Variants in MRTFA observed in about 807,000 individuals in gnomAD.
MRTFA encodes myocardin-related transcription factor A.
Under a neutral mutation model 83.5 loss-of-function variants are expected in MRTFA, and 20 were observed. The observed-to-expected ratio is 0.24, with a 90% CI of 0.17 to 0.35. The LOEUF (loss-of-function observed/expected upper bound fraction) is 0.35, where lower values mean the gene tolerates loss of function less well. MRTFA is among the 10% of genes least tolerant of loss of function. The pLI is 1.00. For synonymous variants in MRTFA, 659 were observed against 541.2 expected, an observed-to-expected ratio of 1.22 and a Z score of -3.02; for missense variants, 1,200 against 1,224.7, an observed-to-expected ratio of 0.98 and a Z score of 0.30.
chr22:40,510,351 T>C (rs1276388571), intron 3 of MRTFA, among the ~76,000 whole-genome samples: 1 of 151,932 alleles, frequency 6.6e-6, no homozygotes, highest in African/African-American at 2.4e-5. Context: ...TGAAGGAATA[T>C]ATAAGGCTGA....
chr22:40,501,858 A>AC (rs1263313762), intron 3 of MRTFA, among the ~76,000 whole-genome samples: 1 of 54,276 alleles, frequency 1.8e-5, no homozygotes, highest in African/African-American at 9.7e-5. Context: ...CGGGGGGCTG[A>AC]CCCCCCAACC....
intron 3 of MRTFA, among the ~76,000 whole-genome samples, chr22:40,482,922 G>A (rs534876414): frequency 1.3e-5 from 2 of 152,186 alleles, no homozygotes; most frequent in African/African-American, 2.4e-5. Flanking sequence ...CTTGAGAGCT[G>A]GAGTTGGAGA....
intron 14 of MRTFA, chr22:40,413,010 G>A (rs551787565): frequency 4.6e-5 from 7 of 150,954 alleles, no homozygotes; most frequent in Non-Finnish European, 8.8e-5. Flanking sequence ...GGTGGTGCAC[G>A]CCTGTAATCC....
chr22:40,437,705 G>A (rs1416888385), intron 4 of MRTFA, among the ~76,000 whole-genome samples: 1 of 151,028 alleles, frequency 6.6e-6, no homozygotes. Flanking sequence ...AGAGGTTGCA[G>A]TGCGCCAAGA....
intron 3 of MRTFA, among the ~76,000 whole-genome samples, chr22:40,476,029 A>C (rs2053989562): frequency 6.6e-6 from 1 of 151,862 alleles, no homozygotes; most frequent in Non-Finnish European, 1.5e-5. Flanking sequence ...CTGTAGTCCC[A>C]GCTACTCGGG....
intron 4 of MRTFA, among the ~76,000 whole-genome samples, chr22:40,440,644 G>T (rs1049627199): frequency 6.6e-6 from 1 of 152,154 alleles, no homozygotes; most frequent in Non-Finnish European, 1.5e-5. Flanking sequence ...AAGTGCTCTT[G>T]GTGCACTGGG....
intron 3 of MRTFA, among the ~76,000 whole-genome samples, chr22:40,495,303 T>A (rs1385429099): frequency 1.3e-5 from 2 of 151,850 alleles, no homozygotes; most frequent in Admixed American, 1.3e-4. Context: ...ACAAAAAAAA[T>A]TAGCCAGGTG....
chr22:40,417,198 T>G, intron 13 of MRTFA, 143 bp downstream of exon 13: 4 of 1,381,196 alleles, frequency 2.9e-6, no homozygotes, highest in Middle Eastern at 4.6e-4. Flanking sequence ...GCCCGTCCCC[T>G]AACAACCCAC....
chr22:40,521,460 T>G (rs2054864591), intron 3 of MRTFA, among the ~76,000 whole-genome samples: 1 of 152,102 alleles, frequency 6.6e-6, no homozygotes, highest in Non-Finnish European at 1.5e-5. Context: ...TGCCCCTTTT[T>G]AAAAGTTGCT....
chr22:40,429,214 A>C, intron 7 of MRTFA: 1 of 584,044 alleles, frequency 1.7e-6, no homozygotes, highest in Non-Finnish European at 3.0e-6. Flanking sequence ...GGAAAGGGCC[A>C]GTCTCCAAGA....
chr22:40,439,787 C>A (rs536983547), intron 4 of MRTFA, among the ~76,000 whole-genome samples: 2 of 152,276 alleles, frequency 1.3e-5, no homozygotes, highest in South Asian at 4.1e-4. Context: ...GGCACTGATA[C>A]TAGAAGACAA....
At chr22:40,469,055 G>A (rs529993694) in intron 3 of MRTFA, among the ~76,000 whole-genome samples, 33 of 152,246 alleles carry the variant, frequency 2.2e-4, no homozygotes, top group African/African-American at 6.7e-4. Context: ...TTAATAAATT[G>A]CATGGTGCTT....
intron 4 of MRTFA, among the ~76,000 whole-genome samples, chr22:40,445,956 T>C (rs1015596545): frequency 2.0e-5 from 3 of 152,228 alleles, no homozygotes; most frequent in Admixed American, 6.5e-5. Context: ...CTTAAGTATC[T>C]AAGCTGTTTG....
At chr22:40,479,369 G>T (rs1345395901) in intron 3 of MRTFA, among the ~76,000 whole-genome samples, 1 of 152,038 alleles carries the variant, frequency 6.6e-6, no homozygotes, top group Non-Finnish European at 1.5e-5. Context: ...ATGTAAATCA[G>T]ACACCACCTC....
chr22:40,450,722 T>C (rs2053471202), intron 4 of MRTFA, among the ~76,000 whole-genome samples: 1 of 152,150 alleles, frequency 6.6e-6, no homozygotes, highest in Non-Finnish European at 1.5e-5. Flanking sequence ...TCTCCCAAAG[T>C]GCTGGGATTA....
chr22:40,412,171 A>G (rs2052568012), intron 14 of MRTFA: 1 of 317,780 alleles, frequency 3.1e-6, no homozygotes, highest in African/African-American at 2.1e-5. Flanking sequence ...AAGAATAGGT[A>G]AAAGAAAGAT....
chr22:40,421,121 G>A (rs2147074710), intron 9 of MRTFA, 21 bp from the exon 10 acceptor site: 1 of 1,511,038 alleles, frequency 6.6e-7, no homozygotes, highest in Non-Finnish European at 8.9e-7. Flanking sequence ...AGGAGACAGG[G>A]TGCCATTCAG....
At chr22:40,620,421 G>A (rs1037746389) in intron 1 of MRTFA, among the ~76,000 whole-genome samples, 4 of 130,300 alleles carry the variant, frequency 3.1e-5, no homozygotes, top group Admixed American at 2.3e-4. Context: ...ACAACATGCA[G>A]TCTTTTTTTT....
intron 3 of MRTFA, among the ~76,000 whole-genome samples, chr22:40,477,175 C>CAAAAAA (rs55932110): frequency 1.7e-5 from 1 of 59,626 alleles, no homozygotes; most frequent in Non-Finnish European, 3.1e-5. Context: ...ACTAAAAATA[C>CAAAAAA]AAAAAAAAAA....
Sources: gnomAD v4.1 joint callset for allele counts (sites outside exome capture counted in the v4.1 genomes callset) on GRCh38, gnomAD v4.1.1 for gene constraint, MANE v1.5 for transcripts, NCBI Gene and HGNC (gene_info 2026-07-23, HGNC 2026-07-21) for gene names.